Variants in CHLSN observed in about 807,000 individuals in gnomAD.
The protein encoded by CHLSN is protein cholesin.
the CHLSN span, among the ~76,000 whole-genome samples, chr7:1,018,218 C>G: frequency 4.1e-3 from 628 of 152,298 alleles, 6 homozygotes; most frequent in African/African-American, 0.014. Flanking sequence ...CGGGTGGGGT[C>G]CAAGTCAGGA....
chr7:1,015,672 G>A, the CHLSN span, among the ~76,000 whole-genome samples: 6 of 152,340 alleles, frequency 3.9e-5, no homozygotes, highest in African/African-American at 1.2e-4. Flanking sequence ...CAGAGGGTTG[G>A]TGGGCGGGGC....
the CHLSN span, chr7:1,045,481 G>A: frequency 1.3e-5 from 2 of 152,362 alleles, no homozygotes; most frequent in East Asian, 3.9e-4. Flanking sequence ...TTCAATAACA[G>A]AGGGCCAAGA....
chr7:1,117,005 C>T, the CHLSN span, among the ~76,000 whole-genome samples: 4 of 57,040 alleles, frequency 7.0e-5, no homozygotes, highest in East Asian at 4.4e-4. Context: ...CCGACGCCCA[C>T]GCAGGATGAT....
At chr7:1,078,921 CCA>C in the CHLSN span, among the ~76,000 whole-genome samples, 2 of 150,250 alleles carry the variant, frequency 1.3e-5, no homozygotes, top group African/African-American at 2.5e-5. Flanking sequence ...ATCCCCCACC[CCA>C]GCGGGTCAGG....
the CHLSN span, chr7:985,389 AC>A: frequency 6.6e-7 from 1 of 1,514,070 alleles, no homozygotes; most frequent in Non-Finnish European, 8.9e-7. Flanking sequence ...CAGCAGGAGG[AC>A]GGGGGCCCCA....
the CHLSN span, among the ~76,000 whole-genome samples, chr7:1,120,295 G>A: frequency 2.0e-5 from 3 of 152,068 alleles, no homozygotes; most frequent in Admixed American, 6.6e-5. Flanking sequence ...CTTCTTTTTT[G>A]TTCAACATTT....
At chr7:991,004 T>G in the CHLSN span, among the ~76,000 whole-genome samples, 2 of 151,676 alleles carry the variant, frequency 1.3e-5, no homozygotes, top group South Asian at 2.1e-4. Context: ...GTCGGCCTCC[T>G]GGGTGGGGTG....
chr7:1,038,316 C>T, the CHLSN span, among the ~76,000 whole-genome samples: 1 of 99,154 alleles, frequency 1.0e-5, no homozygotes, highest in African/African-American at 3.7e-5. Context: ...GGGGGTCAGC[C>T]CCCCGCCCGG....
the CHLSN span, among the ~76,000 whole-genome samples, chr7:1,135,344 TATAC>T: frequency 6.6e-6 from 1 of 152,138 alleles, no homozygotes; most frequent in Non-Finnish European, 1.5e-5. Context: ...GTTGTATGTA[TATAC>T]ATATAGTTAT....
chr7:1,011,972 G>A, the CHLSN span, among the ~76,000 whole-genome samples: 1 of 152,188 alleles, frequency 6.6e-6, no homozygotes, highest in Admixed American at 6.5e-5. Context: ...TTTTCATGGT[G>A]GGGATGTGGA....
At chr7:987,902 T>TCTGTGTGTCCTGGGGATCCC in the CHLSN span, among the ~76,000 whole-genome samples, 2 of 135,276 alleles carry the variant, frequency 1.5e-5, no homozygotes, top group Non-Finnish European at 3.1e-5. Context: ...AGGGGTCCCC[T>TCTGTGTGTCCTGGGGATCCC]CTGTGTGTCC....
the CHLSN span, among the ~76,000 whole-genome samples, chr7:1,098,738 T>C: frequency 7.2e-5 from 11 of 152,032 alleles, no homozygotes; most frequent in African/African-American, 2.7e-4. Flanking sequence ...ACGAGCACAA[T>C]GTCCACTGCG....
At chr7:1,001,838 GGGAGTCCTGTGGGTGAGT>G in the CHLSN span, among the ~76,000 whole-genome samples, 2 of 105,738 alleles carry the variant, frequency 1.9e-5, no homozygotes, top group African/African-American at 3.9e-5. Context: ...CCTGTGGGTG[GGGAGTCCTGTGGGTGAGT>G]GGAGTCCTGT....
chr7:1,001,526 CCTGT>C, the CHLSN span, among the ~76,000 whole-genome samples: 1 of 119,204 alleles, frequency 8.4e-6, no homozygotes, highest in Non-Finnish European at 1.7e-5. Flanking sequence ...TGAGTGGAAT[CCTGT>C]GGGTGGGGAG....
At chr7:1,044,493 C>G in the CHLSN span, 4 of 152,128 alleles carry the variant, frequency 2.6e-5, no homozygotes. Flanking sequence ...GGGACCAAGG[C>G]TGGGGGCGGG....
chr7:1,090,066 C>CAAA, the CHLSN span, among the ~76,000 whole-genome samples: 1 of 135,102 alleles, frequency 7.4e-6, no homozygotes, highest in African/African-American at 2.7e-5. Flanking sequence ...CCTGGGTGAC[C>CAAA]AAAAAAAAAA....
At chr7:1,005,317 C>T in the CHLSN span, among the ~76,000 whole-genome samples, 53,563 of 152,042 alleles carry the variant, frequency 0.35, 9,757 homozygotes, top group African/African-American at 0.46. Flanking sequence ...CCACAAAAAG[C>T]GGGGACTTCT....
the CHLSN span, among the ~76,000 whole-genome samples, chr7:1,083,733 C>T: frequency 6.6e-6 from 1 of 152,202 alleles, no homozygotes; most frequent in Non-Finnish European, 1.5e-5. Flanking sequence ...CTGTGGTCTG[C>T]ACACACCCAC....
the CHLSN span, among the ~76,000 whole-genome samples, chr7:1,014,128 G>A: frequency 4.6e-5 from 7 of 152,162 alleles, no homozygotes; most frequent in African/African-American, 7.2e-5. Flanking sequence ...CTTACCATCA[G>A]GCAATGAAAA....
Sources: allele counts gnomAD v4.1 joint callset (sites outside exome capture counted in the v4.1 genomes callset), GRCh38; gene constraint gnomAD v4.1.1; transcripts MANE v1.5; gene names NCBI Gene and HGNC (gene_info 2026-07-23, HGNC 2026-07-21).